Variants in FOXP1 observed in about 807,000 individuals in gnomAD.
The protein encoded by FOXP1 is forkhead box protein P1.
Under a neutral mutation model 98.2 loss-of-function variants are expected in FOXP1, and 15 were observed. The observed-to-expected ratio is 0.15, with a 90% confidence interval of 0.10 to 0.24. FOXP1 has a LOEUF of 0.24. FOXP1 is among the 10% of genes least tolerant of loss of function. The probability of loss-of-function intolerance (pLI) is 1.00; values close to 1 mark genes in which losing one functional copy is unlikely to be tolerated. For missense variants in FOXP1, 633 were observed against 848.5 expected (o/e 0.75, Z 3.15); for synonymous variants, 371 against 314.5 (o/e 1.18, Z -1.90).
chr3:71,489,780 C>T (rs1280513927), intron 3 of FOXP1, among the ~76,000 whole-genome samples: 1 of 152,176 alleles, frequency 6.6e-6, no homozygotes, highest in Non-Finnish European at 1.5e-5. Context: ...TGGTTACCGC[C>T]GGCATCAATC....
intron 20 of FOXP1, among the ~76,000 whole-genome samples, chr3:70,961,501 G>T (rs1381633171): frequency 1.3e-5 from 2 of 152,162 alleles, no homozygotes; most frequent in African/African-American, 4.8e-5. Context: ...AAACTGCTGG[G>T]ATTACAGGCG....
intron 6 of FOXP1, among the ~76,000 whole-genome samples, chr3:71,159,121 A>G (rs1314881362): frequency 6.9e-6 from 1 of 144,932 alleles, no homozygotes; most frequent in Non-Finnish European, 1.5e-5. Context: ...AAAAAAAAAA[A>G]AAAAAAGTTG....
In FOXP1 at chr3:71,321,457, A is replaced by G. The variant is rs572111597; in HGVS notation, c.-72-21577T>C. 1.1e-3 allele frequency among the ~76,000 whole-genome samples: 175 copies of G among 152,294 alleles called. 1 individual carries two copies. Among genetic ancestry groups the G allele is most frequent in the African/African-American group, 4.0e-3 (168 of 41,552 alleles). On this transcript the variant is annotated intron_variant, in intron 4 of 20. Coordinates refer to ENST00000649528, the MANE Select transcript of FOXP1 (RefSeq NM_001349338.3). ...CCATGGAATAAAAGCCAACTTCTGG[A>G]AACGTGAGATGGCCACATGGGCTAT...
intron 7 of FOXP1, among the ~76,000 whole-genome samples, chr3:71,102,475 C>T (rs1441655785): frequency 2.0e-5 from 3 of 152,184 alleles, no homozygotes; most frequent in Admixed American, 1.3e-4. Flanking sequence ...TCACAACTAC[C>T]GTAATTACAT....
At chr3:71,150,453 A>C (rs566720311) in intron 6 of FOXP1, among the ~76,000 whole-genome samples, 8 of 152,202 alleles carry the variant, frequency 5.3e-5, no homozygotes, top group African/African-American at 1.9e-4. Flanking sequence ...ATGATACTTG[A>C]GATAAGTTTC....
At chr3:71,491,520 T>C (rs1451125727) in intron 3 of FOXP1, among the ~76,000 whole-genome samples, 1 of 152,228 alleles carries the variant, frequency 6.6e-6, no homozygotes, top group African/African-American at 2.4e-5. Flanking sequence ...TTTCTTTTCA[T>C]TGTGGACATC....
At chr3:71,571,778 CA>C (rs1286011105) in intron 2 of FOXP1, 1 of 152,104 alleles carries the variant, frequency 6.6e-6, no homozygotes, top group Non-Finnish European at 1.5e-5. Context: ...TACTTAATGA[CA>C]AAAAAACTGA....
At chr3:71,233,308 A>G (rs1217069475) in intron 5 of FOXP1, among the ~76,000 whole-genome samples, 4 of 152,104 alleles carry the variant, frequency 2.6e-5, no homozygotes, top group Non-Finnish European at 5.9e-5. Flanking sequence ...CTTTGTATCA[A>G]GAAAGGTCTA....
At chr3:71,322,677 T>A (rs2075460627) in intron 4 of FOXP1, among the ~76,000 whole-genome samples, 1 of 152,066 alleles carries the variant, frequency 6.6e-6, no homozygotes, top group Non-Finnish European at 1.5e-5. Flanking sequence ...CGGCATGGAA[T>A]TATATGGGGG....
intron 3 of FOXP1, among the ~76,000 whole-genome samples, chr3:71,361,205 G>A (rs905246076): frequency 2.0e-4 from 31 of 152,158 alleles, no homozygotes; most frequent in African/African-American, 7.5e-4. Flanking sequence ...ACTCATTAAT[G>A]AGCAACTGCC....
At chr3:71,457,314 T>C (rs773078289) in intron 3 of FOXP1, among the ~76,000 whole-genome samples, 16 of 152,230 alleles carry the variant, frequency 1.1e-4, no homozygotes, top group Non-Finnish European at 2.2e-4. Context: ...TGTACCCACA[T>C]GATCCTAGAA....
intron 3 of FOXP1, among the ~76,000 whole-genome samples, chr3:71,382,419 C>T (rs2080253051): frequency 6.6e-6 from 1 of 152,190 alleles, no homozygotes; most frequent in African/African-American, 2.4e-5. Flanking sequence ...AAGTTGATTG[C>T]ACCCCAGCTC....
chr3:71,474,615 G>A (rs1042844149), intron 3 of FOXP1, among the ~76,000 whole-genome samples: 5 of 152,018 alleles, frequency 3.3e-5, no homozygotes, highest in Admixed American at 6.6e-5. Context: ...TCATAGAAGC[G>A]TAAACCCTAT....
At chr3:71,233,932 G>T (rs1247420407) in intron 5 of FOXP1, among the ~76,000 whole-genome samples, 1 of 152,066 alleles carries the variant, frequency 6.6e-6, no homozygotes, top group Non-Finnish European at 1.5e-5. Flanking sequence ...TTCTTCGAGG[G>T]TTTGTGTTCT....
At chr3:71,034,465 C>G (rs919149307) in intron 11 of FOXP1, among the ~76,000 whole-genome samples, 1 of 151,790 alleles carries the variant, frequency 6.6e-6, no homozygotes, top group African/African-American at 2.4e-5. Flanking sequence ...CATTCTGGGC[C>G]CCAGCTGCAC....
intron 5 of FOXP1, among the ~76,000 whole-genome samples, chr3:71,254,217 T>C (rs2107100371): frequency 6.6e-6 from 1 of 152,312 alleles, no homozygotes; most frequent in Non-Finnish European, 1.5e-5. Flanking sequence ...AGAAGTAAAA[T>C]TTTCCCCTTG....
At chr3:71,270,655 C>T (rs2070254330) in intron 5 of FOXP1, among the ~76,000 whole-genome samples, 1 of 152,176 alleles carries the variant, frequency 6.6e-6, no homozygotes, top group Non-Finnish European at 1.5e-5. Context: ...CTGGTCTTAG[C>T]AGGGATGGGG....
chr3:71,348,532 T>TGTGC (rs369062003), intron 4 of FOXP1, among the ~76,000 whole-genome samples: 23,215 of 139,218 alleles, frequency 0.17, 2,139 homozygotes, highest in Non-Finnish European at 0.22. Context: ...CGTGTGTGTG[T>TGTGC]GTGTGTGTGT....
intron 5 of FOXP1, among the ~76,000 whole-genome samples, chr3:71,279,905 C>T (rs1169812013): frequency 1.3e-5 from 2 of 151,954 alleles, no homozygotes; most frequent in African/African-American, 2.4e-5. Flanking sequence ...AGGCGGATCA[C>T]GAGGTCAGGA....
Sources: gnomAD v4.1 joint callset for allele counts (sites outside exome capture counted in the v4.1 genomes callset) on GRCh38, gnomAD v4.1.1 for gene constraint, MANE v1.5 for transcripts, NCBI Gene and HGNC (gene_info 2026-07-23, HGNC 2026-07-21) for gene names.